COPG2: variants seen among roughly 807,000 people sequenced by gnomAD.
COPG2 encodes the protein coat protein complex I subunit gamma 2, also known as coatomer subunit gamma-2.
COPG2 carries 37 observed loss-of-function variants against 46.3 expected under a neutral mutation model. The ratio of observed to expected loss-of-function variants is 0.80; its 90% CI spans 0.61 to 1.05. COPG2 has a LOEUF of 1.05. Among genes scored for constraint, COPG2 ranks in the 50% least tolerant of loss-of-function variants. The probability of loss-of-function intolerance (pLI) is 0.00; values close to 1 mark genes in which losing one functional copy is unlikely to be tolerated. For missense variants in COPG2, 427 were observed against 387.8 expected (o/e 1.10, Z -0.85); for synonymous variants, 159 against 129.7 (o/e 1.23, Z -1.53).
intron 3 of COPG2, among the ~76,000 whole-genome samples, chr7:130,666,578 A>T (rs1161814852): frequency 2.0e-5 from 3 of 152,224 alleles, no homozygotes; most frequent in Non-Finnish European, 4.4e-5. Context: ...ATAGTCAGTG[A>T]GTATGTATTC....
intron 9 of COPG2, among the ~76,000 whole-genome samples, chr7:130,576,560 A>T (rs1168696902): frequency 6.6e-6 from 1 of 152,226 alleles, no homozygotes; most frequent in African/African-American, 2.4e-5. Flanking sequence ...GAATACAGCA[A>T]AGGCAGTGCT....
At chr7:130,646,218 T>C (rs572289586) in intron 5 of COPG2, among the ~76,000 whole-genome samples, 1 of 152,234 alleles carries the variant, frequency 6.6e-6, no homozygotes, top group Non-Finnish European at 1.5e-5. Context: ...GAGGTGTCCA[T>C]ACATTGGCTA....
rs1554440195 is a variant in COPG2 at position 130,506,795 on chromosome 7, C to T, written c.2497G>A (p.Gly833Ser). Residue 833 changes from glycine to serine, a missense_variant, in exon 24 of 24, where the codon GGT becomes AGT. Gly to Ser is a moderately conservative substitution (Grantham distance 56). Transcript: ENST00000425248. ...HSLYLAGIFRGGYDLLVRSRL... is the reference protein window; with the variant it reads ...HSLYLAGIFRSGYDLLVRSRL... The stretch of plus-strand genomic sequence containing the variant: ...GACCTCACCAATAAATCATAGCCAC[C>T]TCTGAATATACCTGAGAGAAAAAAG... 2.6e-6 allele frequency: 2 copies of T among 778,454 alleles called. No homozygotes were observed. Among genetic ancestry groups the T allele is most frequent in the Non-Finnish European group, 4.8e-6 (2 of 416,942 alleles). The allele number at this position is 778,454 out of a possible 1,614,324, so 48.2% of individuals were successfully genotyped here. A position where few individuals can be genotyped will look rare whatever the true frequency, so the allele number is the denominator to read the frequency against.
intron 20 of COPG2, among the ~76,000 whole-genome samples, chr7:130,518,367 G>T (rs1799696224): frequency 1.3e-5 from 2 of 152,158 alleles, no homozygotes; most frequent in African/African-American, 4.8e-5. Flanking sequence ...GAAGATCAGG[G>T]TGAATCTTGA....
chr7:130,591,063 C>G (rs1432747167), intron 9 of COPG2, among the ~76,000 whole-genome samples: 2 of 149,968 alleles, frequency 1.3e-5, no homozygotes, highest in Non-Finnish European at 3.0e-5. Flanking sequence ...GCCCCCCGCC[C>G]GGCCAGCCGC....
At chr7:130,533,727 A>G (rs1799850874) in intron 20 of COPG2, among the ~76,000 whole-genome samples, 1 of 152,132 alleles carries the variant, frequency 6.6e-6, no homozygotes, top group East Asian at 1.9e-4. Flanking sequence ...ACATTAAGGA[A>G]AAGACTCCTG....
intron 3 of COPG2, 53 bp from the exon 4 acceptor site, chr7:130,663,091 T>C: frequency 1.1e-6 from 1 of 930,560 alleles, no homozygotes; most frequent in Non-Finnish European, 1.6e-6. Context: ...TATTCATATA[T>C]ATGTACATAT....
At chr7:130,567,745 T>G (rs1793827497) in intron 9 of COPG2, among the ~76,000 whole-genome samples, 1 of 152,174 alleles carries the variant, frequency 6.6e-6, no homozygotes, top group Non-Finnish European at 1.5e-5. Context: ...TAAAGTTCTT[T>G]TCAGATAAAC....
chr7:130,622,571 A>C (rs1554453749), intron 5 of COPG2, among the ~76,000 whole-genome samples: 4 of 152,204 alleles, frequency 2.6e-5, no homozygotes, highest in African/African-American at 4.8e-5. Flanking sequence ...AGACGGTAGC[A>C]ATCACTATTT....
intron 20 of COPG2, among the ~76,000 whole-genome samples, chr7:130,539,773 C>G (rs1799918257): frequency 6.6e-6 from 1 of 152,062 alleles, no homozygotes; most frequent in African/African-American, 2.4e-5. Context: ...GGGCAGAAAG[C>G]ATGGTGGAAG....
chr7:130,514,659 T>C (rs1799664000), intron 20 of COPG2, among the ~76,000 whole-genome samples: 1 of 152,050 alleles, frequency 6.6e-6, no homozygotes, highest in African/African-American at 2.4e-5. Flanking sequence ...AGAAAAGGAA[T>C]AGGAGAAAAC....
intron 5 of COPG2, among the ~76,000 whole-genome samples, chr7:130,633,574 G>A (rs1188616776): frequency 2.6e-5 from 4 of 152,080 alleles, no homozygotes; most frequent in Non-Finnish European, 5.9e-5. Flanking sequence ...TGATGGGGTG[G>A]TTTTTTTCTT....
At chr7:130,546,240 A>C (rs1381865891) in intron 20 of COPG2, among the ~76,000 whole-genome samples, 1 of 152,362 alleles carries the variant, frequency 6.6e-6, no homozygotes, top group East Asian at 1.9e-4. Flanking sequence ...GGTAGAAACC[A>C]CAGGACTACA....
At chr7:130,661,532 AAAG>A (rs1795978733) in intron 4 of COPG2, among the ~76,000 whole-genome samples, 1 of 152,242 alleles carries the variant, frequency 6.6e-6, no homozygotes, top group African/African-American at 2.4e-5. Context: ...GAAGTGGTTA[AAAG>A]AAGTCCTTAA....
chr7:130,668,493 G>T (rs1796146763), intron 1 of COPG2, 139 bp downstream of exon 1: 1 of 614,536 alleles, frequency 1.6e-6, no homozygotes, highest in Non-Finnish European at 2.4e-6. Flanking sequence ...CGAGGGGAGG[G>T]GAGGGGCCGG....
intron 5 of COPG2, among the ~76,000 whole-genome samples, chr7:130,627,415 TTGG>T (rs1162493259): frequency 6.6e-6 from 1 of 152,194 alleles, no homozygotes; most frequent in Non-Finnish European, 1.5e-5. Flanking sequence ...AACTGCAACC[TTGG>T]TGTTATCAGT....
intron 9 of COPG2, among the ~76,000 whole-genome samples, chr7:130,594,840 G>A (rs192851364): frequency 6.6e-6 from 1 of 152,262 alleles, no homozygotes; most frequent in African/African-American, 2.4e-5. Context: ...ACTGGGGTGG[G>A]TATAATAAAA....
At chr7:130,516,891 C>A (rs1252273449) in intron 20 of COPG2, among the ~76,000 whole-genome samples, 1 of 152,030 alleles carries the variant, frequency 6.6e-6, no homozygotes, top group Non-Finnish European at 1.5e-5. Flanking sequence ...TGGCAAGAAT[C>A]CTATGAAAGT....
At chr7:130,525,864 G>C (rs903134015) in intron 20 of COPG2, among the ~76,000 whole-genome samples, 1 of 151,970 alleles carries the variant, frequency 6.6e-6, no homozygotes, top group Non-Finnish European at 1.5e-5. Flanking sequence ...GAAAAGCAGA[G>C]GAGGACAGAG....
Sources: gnomAD v4.1 joint callset for allele counts (sites outside exome capture counted in the v4.1 genomes callset) on GRCh38, gnomAD v4.1.1 for gene constraint, MANE v1.5 for transcripts, NCBI Gene and HGNC (gene_info 2026-07-23, HGNC 2026-07-21) for gene names.